DLGAP2: variants seen among roughly 807,000 people sequenced by gnomAD.
DLGAP2 encodes the protein disks large-associated protein 2.
Under a neutral mutation model 100.3 loss-of-function variants are expected in DLGAP2, and 26 were observed. The ratio of observed to expected loss-of-function variants is 0.26; its 90% CI spans 0.19 to 0.36. The LOEUF (loss-of-function observed/expected upper bound fraction) is 0.36, where lower values mean the gene tolerates loss of function less well. Among genes scored for constraint, DLGAP2 ranks in the 10% least tolerant of loss-of-function variants. The pLI is 1.00. For missense variants in DLGAP2, 1,858 were observed against 1,453.2 expected (o/e 1.28, Z -4.53); for synonymous variants, 886 against 630.1 (o/e 1.41, Z -6.08).
chr8:1,464,071 C>A (rs958333241), intron 3 of DLGAP2, among the ~76,000 whole-genome samples: 1 of 149,742 alleles, frequency 6.7e-6, no homozygotes, highest in East Asian at 2.0e-4. Context: ...CAACAGCCGC[C>A]TTCCTGAAGA....
intron 2 of DLGAP2, among the ~76,000 whole-genome samples, chr8:1,054,767 A>T (rs1802827660): frequency 6.6e-6 from 1 of 152,178 alleles, no homozygotes; most frequent in Non-Finnish European, 1.5e-5. Flanking sequence ...GTTGCACTGG[A>T]CAAGACCTTA....
intron 2 of DLGAP2, among the ~76,000 whole-genome samples, chr8:914,673 A>C (rs941828289): frequency 6.6e-6 from 1 of 152,240 alleles, no homozygotes; most frequent in South Asian, 2.1e-4. Context: ...ACCCCAGAGC[A>C]GGTTAATGTA....
intron 2 of DLGAP2, among the ~76,000 whole-genome samples, chr8:1,012,599 C>T (rs1801325815): frequency 7.7e-6 from 1 of 129,422 alleles, no homozygotes; most frequent in Admixed American, 8.3e-5. Context: ...AGTGTGGACA[C>T]CGTCTGACCG....
chr8:823,191 G>T lies in DLGAP2; in HGVS notation c.19-84721G>T, dbSNP rs1451695943. Reference sequence around the variant, plus strand: ...CTCTACCCACTTGGTGGCCTCAGAAGATGGTGTTGACTTCAGGCTGCCAGA... The same window carrying T: ...CTCTACCCACTTGGTGGCCTCAGAATATGGTGTTGACTTCAGGCTGCCAGA... On this transcript the variant is annotated intron_variant, in intron 1 of 14. Coordinates refer to ENST00000637795, the MANE Select transcript of DLGAP2 (RefSeq NM_001346810.2). Among the ~76,000 whole-genome samples the T allele has an allele frequency of 5.9e-5, 9 of 152,150 alleles. No individual in the cohort carries two copies. The South Asian group carries it at 6.2e-4, about 11-fold the overall frequency.
intron 4 of DLGAP2, among the ~76,000 whole-genome samples, chr8:1,510,415 G>C (rs1800120138): frequency 6.6e-6 from 1 of 152,200 alleles, no homozygotes; most frequent in Non-Finnish European, 1.5e-5. Context: ...CCTCTGAAGA[G>C]CTGAGAAACG....
chr8:779,235 C>T (rs376979843), intron 1 of DLGAP2, among the ~76,000 whole-genome samples: 5 of 152,360 alleles, frequency 3.3e-5, no homozygotes, highest in African/African-American at 9.6e-5. Flanking sequence ...CCTGTGCCCA[C>T]TCTCTGGCCC....
At chr8:1,143,740 G>C (rs1796560447) in intron 2 of DLGAP2, among the ~76,000 whole-genome samples, 1 of 152,200 alleles carries the variant, frequency 6.6e-6, no homozygotes, top group Admixed American at 6.5e-5. Context: ...CTTGTTCTCT[G>C]TTCTTTCAAA....
intron 6 of DLGAP2, among the ~76,000 whole-genome samples, chr8:1,625,056 C>T (rs1369647672): frequency 3.3e-5 from 5 of 152,040 alleles, no homozygotes; most frequent in Admixed American, 3.3e-4. Context: ...CTCTGATATT[C>T]CATTTTTAAA....
At chr8:965,846 G>A (rs556974941) in intron 2 of DLGAP2, among the ~76,000 whole-genome samples, 11 of 142,772 alleles carry the variant, frequency 7.7e-5, no homozygotes, top group Non-Finnish European at 1.4e-4. Context: ...CATCACACAC[G>A]CGGCTCCAGA....
chr8:1,341,002 T>C (rs1801404357), intron 3 of DLGAP2, among the ~76,000 whole-genome samples: 1 of 152,200 alleles, frequency 6.6e-6, no homozygotes, highest in Non-Finnish European at 1.5e-5. Context: ...AAATACTGCA[T>C]GTTCTCACCT....
At chr8:1,216,711 C>G (rs1368319507) in intron 2 of DLGAP2, among the ~76,000 whole-genome samples, 1 of 152,062 alleles carries the variant, frequency 6.6e-6, no homozygotes, top group Admixed American at 6.6e-5. Flanking sequence ...CTCATATTAC[C>G]TAGCCCTCCC....
At chr8:857,282 G>A (rs1221640879) in intron 1 of DLGAP2, among the ~76,000 whole-genome samples, 2 of 152,116 alleles carry the variant, frequency 1.3e-5, no homozygotes, top group African/African-American at 2.4e-5. Context: ...GCTTTGATTT[G>A]GTGACTTTTT....
chr8:1,261,596 C>G (rs537051267), intron 3 of DLGAP2, among the ~76,000 whole-genome samples: 1 of 152,110 alleles, frequency 6.6e-6, no homozygotes, highest in African/African-American at 2.4e-5. Context: ...GTGGGGCTCC[C>G]TGCTCTGGCC....
intron 2 of DLGAP2, among the ~76,000 whole-genome samples, chr8:1,008,096 C>G (rs1801173726): frequency 6.6e-6 from 1 of 152,148 alleles, no homozygotes; most frequent in African/African-American, 2.4e-5. Flanking sequence ...TCTTTTTCAT[C>G]CAAATTGATT....
At chr8:1,700,841 G>T (rs915895005) in intron 14 of DLGAP2, among the ~76,000 whole-genome samples, 1 of 152,244 alleles carries the variant, frequency 6.6e-6, no homozygotes, top group Non-Finnish European at 1.5e-5. Flanking sequence ...ATGACACAGG[G>T]CTTTGGGAAG....
intron 4 of DLGAP2, among the ~76,000 whole-genome samples, chr8:1,502,114 G>A (rs964522439): frequency 2.0e-5 from 3 of 152,182 alleles, no homozygotes; most frequent in African/African-American, 7.2e-5. Flanking sequence ...CACAGCTGAA[G>A]ACGGAAGCCC....
intron 1 of DLGAP2, among the ~76,000 whole-genome samples, chr8:789,368 G>C (rs901080083): frequency 6.6e-6 from 1 of 152,146 alleles, no homozygotes; most frequent in Non-Finnish European, 1.5e-5. Context: ...AGAGTGAAGG[G>C]GGAGGTGCTA....
intron 5 of DLGAP2, among the ~76,000 whole-genome samples, chr8:1,558,092 G>T (rs1326636339): frequency 6.6e-6 from 1 of 152,222 alleles, no homozygotes; most frequent in Non-Finnish European, 1.5e-5. Flanking sequence ...TGGTCCTCGA[G>T]GGGTGAGTGT....
chr8:1,352,961 G>A (rs1801769977), intron 3 of DLGAP2, among the ~76,000 whole-genome samples: 1 of 152,168 alleles, frequency 6.6e-6, no homozygotes, highest in Admixed American at 6.5e-5. Flanking sequence ...CCAGAGCTCT[G>A]AGTCCATACC....
Sources: allele counts gnomAD v4.1 joint callset (sites outside exome capture counted in the v4.1 genomes callset), GRCh38; gene constraint gnomAD v4.1.1; transcripts MANE v1.5; gene names NCBI Gene and HGNC (gene_info 2026-07-23, HGNC 2026-07-21).